Variants in KANTR observed in about 807,000 individuals in gnomAD.
KANTR encodes KANTR integral membrane protein.
At chrX:53,133,785 C>T (rs1352043093) in intron 2 of KANTR, among the ~76,000 whole-genome samples, 3 of 111,480 alleles carry the variant, frequency 2.7e-5, no homozygotes, top group African/African-American at 9.8e-5. Context: ...TTCTGGTCCA[C>T]ATAACAGCCC....
intron 2 of KANTR, among the ~76,000 whole-genome samples, chrX:53,110,804 T>G (rs1416757804): frequency 9.2e-6 from 1 of 108,315 alleles, no homozygotes; most frequent in Non-Finnish European, 1.9e-5. Flanking sequence ...GCACCTGTAA[T>G]CCCAGCTACT....
intron 2 of KANTR, among the ~76,000 whole-genome samples, chrX:53,119,543 T>C (rs1933185844): frequency 9.0e-6 from 1 of 111,485 alleles, no homozygotes; most frequent in Non-Finnish European, 1.9e-5. Flanking sequence ...TCCATATCCA[T>C]ATAGATCTGT....
intron 2 of KANTR, among the ~76,000 whole-genome samples, chrX:53,135,186 A>T (rs782504442): frequency 3.0e-4 from 34 of 112,115 alleles, no homozygotes; most frequent in Non-Finnish European, 5.3e-4. Flanking sequence ...AAAAGACCAA[A>T]CCTTCATACC....
chrX:53,101,845 A>G (rs140325056), intron 2 of KANTR, among the ~76,000 whole-genome samples: 7,393 of 111,014 alleles, frequency 0.067, 592 homozygotes, highest in African/African-American at 0.23. Context: ...AAAAAATACA[A>G]AAATTAAGCT....
rs58263602 is a variant in KANTR at position 53,136,693 on chromosome X, CATATATATATATATATATATATAT to C, written n.204-5140_204-5117del. Among the ~76,000 whole-genome samples, 55 of 9,302 alleles carry C rather than the reference CATATATATATATATATATATATAT, an allele frequency of 5.9e-3. 7 individuals carry two copies. The East Asian group carries it at 0.064, about 11-fold the overall frequency. The allele number at this position is 9,302 out of a possible 115,157, so 8.1% of individuals were successfully genotyped here. On this transcript the variant is annotated intron_variant and non_coding_transcript_variant, in intron 2 of 2. Transcript: ENST00000366185. The stretch of plus-strand genomic sequence containing the variant: ...TACAGGCAAGATCTACCACGCCCGG[CATATATATATATATATATATATAT>C]ATATATATATATATTTTGTTTGTTT...
downstream of KANTR, among the ~76,000 whole-genome samples, chrX:53,130,112 A>T (rs782804327): frequency 8.1e-5 from 9 of 111,044 alleles, no homozygotes; most frequent in African/African-American, 2.9e-4. Flanking sequence ...AGTGATCCAT[A>T]CACCTTGGCC....
At chrX:53,137,064 A>AC (rs1280445877) in intron 2 of KANTR, among the ~76,000 whole-genome samples, 4 of 109,749 alleles carry the variant, frequency 3.6e-5, no homozygotes, top group African/African-American at 1.3e-4. Context: ...TTGATGTTGA[A>AC]CCATAACATT....
intron 2 of KANTR, among the ~76,000 whole-genome samples, chrX:53,137,956 T>C (rs1933449141): frequency 9.0e-6 from 1 of 111,632 alleles, no homozygotes; most frequent in African/African-American, 3.3e-5. Context: ...CTGTCTCTTT[T>C]ATTGGTCTTT....
intron 2 of KANTR, chrX:53,113,315 A>G: frequency 1.1e-5 from 1 of 93,844 alleles, no homozygotes; most frequent in Non-Finnish European, 2.2e-5. Flanking sequence ...CTATAGCAGA[A>G]AACACACACA....
At chrX:53,107,897 T>C (rs1378213288) in intron 2 of KANTR, among the ~76,000 whole-genome samples, 1 of 108,931 alleles carries the variant, frequency 9.2e-6, no homozygotes, top group Admixed American at 9.8e-5. Context: ...TTTTCTTTTT[T>C]TCTTTTTTCT....
At position 53,135,311 on chromosome X, in the gene KANTR, T is replaced by C. The variant is rs781853017; in HGVS notation, n.204-6537T>C. Among the ~76,000 whole-genome samples, 45 of 112,089 alleles carry C rather than the reference T, an allele frequency of 4.0e-4. No individual in the cohort carries two copies. The South Asian group carries it at 8.9e-3, about 22-fold the overall frequency. ...TGCTTGATTTAACCTCAGCCATCCT[T>C]AGACTAGAAAAGAATCGTGGGGGTT... On this transcript the variant is annotated intron_variant and non_coding_transcript_variant, in intron 2 of 2. Coordinates refer to the KANTR transcript ENST00000366185.
At chrX:53,127,491 C>G (rs1933303952), downstream of KANTR, 1 of 111,821 alleles carries the variant, frequency 8.9e-6, no homozygotes, top group African/African-American at 3.3e-5. Context: ...AAATAAAGGC[C>G]TTGAGGAGTA....
chrX:53,143,295 C>T (rs781942239), downstream of KANTR: 25 of 609,177 alleles, frequency 4.1e-5, no homozygotes, highest in African/African-American at 1.8e-4. Flanking sequence ...GTTGATGTCG[C>T]GCACAATCTC....
chrX:53,142,893 G>A (rs2146760471), downstream of KANTR: 1 of 559,997 alleles, frequency 1.8e-6, no homozygotes, highest in East Asian at 3.4e-5. Context: ...GCTGGAAGGT[G>A]GACAGTGAGG....
exon 3 of KANTR, chrX:53,124,199 C>G: frequency 1.7e-5 from 5 of 287,682 alleles, no homozygotes; most frequent in Admixed American, 6.2e-5. Flanking sequence ...AGGAGTTGGT[C>G]CATTTTGTCT....
intron 2 of KANTR, among the ~76,000 whole-genome samples, chrX:53,122,567 T>C (rs1169063669): frequency 8.9e-6 from 1 of 111,807 alleles, no homozygotes; most frequent in Admixed American, 9.5e-5. Context: ...GTATTTGCTA[T>C]AGATTTCCTA....
At chrX:53,101,424 G>A (rs979024476) in intron 2 of KANTR, among the ~76,000 whole-genome samples, 1 of 111,479 alleles carries the variant, frequency 9.0e-6, no homozygotes, top group African/African-American at 3.3e-5. Flanking sequence ...TGGGCAACAT[G>A]GCAAGACCCT....
At chrX:53,105,904 G>C (rs1462476795) in intron 2 of KANTR, among the ~76,000 whole-genome samples, 1 of 93,854 alleles carries the variant, frequency 1.1e-5, no homozygotes, top group African/African-American at 4.1e-5. Context: ...GTCGCCCAGG[G>C]TGGAGTGCAG....
chrX:53,111,092 C>T (rs927340342), intron 2 of KANTR, among the ~76,000 whole-genome samples: 2 of 108,454 alleles, frequency 1.8e-5, no homozygotes, highest in South Asian at 4.2e-4. Context: ...CACAGCCCAC[C>T]GCCTCAACCT....
Sources: gnomAD v4.1 joint callset for allele counts (sites outside exome capture counted in the v4.1 genomes callset) on GRCh38, gnomAD v4.1.1 for gene constraint, MANE v1.5 for transcripts, NCBI Gene and HGNC (gene_info 2026-07-23, HGNC 2026-07-21) for gene names.